CCPG1: variants seen among roughly 807,000 people sequenced by gnomAD.
CCPG1 encodes cell cycle progression protein 1.
CCPG1 carries 46 observed loss-of-function variants against 81.3 expected under a neutral mutation model. That is an observed-to-expected ratio of 0.57 (90% CI 0.45 to 0.72). The LOEUF (loss-of-function observed/expected upper bound fraction) is 0.72. Among genes scored for constraint, CCPG1 ranks in the 30% least tolerant of loss-of-function variants. The pLI, the probability that CCPG1 is intolerant of heterozygous loss-of-function variation, is 0.00. For synonymous variants in CCPG1, 330 were observed against 305.2 expected, an observed-to-expected ratio of 1.08 and a Z score of -0.85; for missense variants, 902 against 937.6, an observed-to-expected ratio of 0.96 and a Z score of 0.50.
chr15:55,361,985 A>T (rs1440721439), intron 7 of CCPG1, among the ~76,000 whole-genome samples: 1 of 152,222 alleles, frequency 6.6e-6, no homozygotes, highest in African/African-American at 2.4e-5. Flanking sequence ...GTACAGATTA[A>T]TATAACTCTG....
At chr15:55,394,876 C>T (rs1268481309) in intron 1 of CCPG1, among the ~76,000 whole-genome samples, 2 of 151,966 alleles carry the variant, frequency 1.3e-5, no homozygotes, top group African/African-American at 4.8e-5. Flanking sequence ...GATTGCTTAA[C>T]TGACCACCTG....
intron 1 of CCPG1, among the ~76,000 whole-genome samples, chr15:55,404,939 G>A (rs1278657790): frequency 1.3e-5 from 2 of 151,492 alleles, no homozygotes; most frequent in Admixed American, 6.6e-5. Flanking sequence ...GCATGGTGGT[G>A]TGTGCCTGTA....
intron 8 of CCPG1, chr15:55,358,291 A>AT: frequency 1.3e-6 from 1 of 774,952 alleles, no homozygotes; most frequent in Non-Finnish European, 1.6e-6. Flanking sequence ...TATATATAGA[A>AT]TTATGTTCTA....
intron 2 of CCPG1, among the ~76,000 whole-genome samples, chr15:55,387,639 G>A (rs978035412): frequency 6.6e-6 from 1 of 151,526 alleles, no homozygotes; most frequent in Admixed American, 6.6e-5. Flanking sequence ...CCGCCTCCCA[G>A]GTTCAAGCGA....
At chr15:55,391,132 A>T (rs908654781) in intron 1 of CCPG1, among the ~76,000 whole-genome samples, 5 of 152,066 alleles carry the variant, frequency 3.3e-5, no homozygotes, top group Admixed American at 6.6e-5. Flanking sequence ...TCTTTTCTTT[A>T]TTTTGAGTGT....
chr15:55,407,459 T>C (rs1566988545), intron 1 of CCPG1, among the ~76,000 whole-genome samples: 2 of 152,186 alleles, frequency 1.3e-5, no homozygotes, highest in Non-Finnish European at 2.9e-5. Context: ...AAATTCATAG[T>C]ACTATATAGT....
chr15:55,398,877 G>A (rs17238297), intron 1 of CCPG1, among the ~76,000 whole-genome samples: 35,491 of 152,080 alleles, frequency 0.23, 5,263 homozygotes, highest in Non-Finnish European at 0.34. Flanking sequence ...ACTGCGCCCA[G>A]CATGAAAACT....
At chr15:55,382,717 G>A (rs1395744712) in intron 3 of CCPG1, among the ~76,000 whole-genome samples, 1 of 152,078 alleles carries the variant, frequency 6.6e-6, no homozygotes, top group Admixed American at 6.6e-5. Context: ...CACCGTGTGA[G>A]CCAGGATGGT....
intron 2 of CCPG1, among the ~76,000 whole-genome samples, chr15:55,387,372 T>A (rs1290165707): frequency 6.6e-6 from 1 of 152,144 alleles, no homozygotes; most frequent in African/African-American, 2.4e-5. Context: ...AAGCTAAAAA[T>A]AGAAAAGTCA....
chr15:55,388,203 C>A (rs2056842613), intron 2 of CCPG1, among the ~76,000 whole-genome samples: 1 of 151,912 alleles, frequency 6.6e-6, no homozygotes, highest in Non-Finnish European at 1.5e-5. Flanking sequence ...GCTTACAATA[C>A]CCTAAAAACA....
In CCPG1 at chr15:55,360,491, G is replaced by C. The variant is rs745580071; in HGVS notation, c.1282C>G (p.Arg428Gly). 7 of 1,613,962 alleles carry C rather than the reference G, an allele frequency of 4.3e-6. No individual in the cohort carries two copies. Among genetic ancestry groups the C allele is most frequent in the Non-Finnish European group, 5.9e-6 (7 of 1,180,006 alleles). Residue 428 changes from arginine to glycine, a missense_variant, in exon 8 of 9, where the codon CGG (arginine) becomes GGG (glycine). Transcript: ENST00000442196. ...CGTTCCAGCTCAGTGAGTCTTTCCC[G>C]TAAGATTGCTATTTCCTTTTTTTCA... is the stretch of plus-strand genomic sequence containing the variant. ...YTEKKEIAIL[R>G]ERLTELERKL...
chr15:55,372,880 T>C (rs2056482631), intron 5 of CCPG1: 14 of 506,916 alleles, frequency 2.8e-5, no homozygotes, highest in Non-Finnish European at 4.0e-6. Context: ...ATTTCCAACC[T>C]AATTAGCCCA....
intron 5 of CCPG1, among the ~76,000 whole-genome samples, chr15:55,375,660 C>G (rs1040610630): frequency 6.6e-6 from 1 of 151,324 alleles, no homozygotes; most frequent in African/African-American, 2.4e-5. Context: ...AATAACTTCT[C>G]ATTAAATGAG....
Position 55,356,323 on chromosome 15 carries a change from T to A in CCPG1, c.2321A>T (p.Tyr774Phe). Reference sequence around the variant, plus strand: ...TTTATGCCATTTACCTTCCCTTTTATAAGGCTGTGGCTGAAGGTGCTTCTG... The same window carrying A: ...TTTATGCCATTTACCTTCCCTTTTAAAAGGCTGTGGCTGAAGGTGCTTCTG... ...QEQKHLQPQP[Y>F]KREGKWHKYG... The change falls in exon 9 of 9, where the codon TAT becomes TTT. Residue 774 changes from tyrosine (Y) to phenylalanine (F), a missense_variant. Coordinates refer to ENST00000442196, the MANE Select transcript of CCPG1 (RefSeq NM_001204450.2). The A allele has an allele frequency of 6.5e-7, 1 of 1,535,792 alleles. No homozygotes were observed. Among genetic ancestry groups the A allele is most frequent in the Non-Finnish European group, 8.7e-7 (1 of 1,146,790 alleles).
At chr15:55,356,548 A>G (rs978659216) in intron 8 of CCPG1, 139 bp from the exon 9 acceptor site, 3 of 1,237,768 alleles carry the variant, frequency 2.4e-6, no homozygotes, top group East Asian at 2.9e-5. Context: ...CAATCCTAGT[A>G]TATCCATATA....
Position 55,355,679 on chromosome 15 carries a change from T to C in CCPG1, c.*541A>G, listed in dbSNP as rs1169187322. The C allele has an allele frequency of 1.9e-5, 6 of 308,030 alleles. No individual in the cohort carries two copies. The highest frequency in any genetic ancestry group is 3.5e-5 in the Non-Finnish European group (6 of 170,626). The allele number at this position is 308,030 out of a possible 1,614,324, so 19.1% of individuals were successfully genotyped here. A position where few individuals can be genotyped will look rare whatever the true frequency, so the allele number is the denominator to read the frequency against. ...TAGTTTTATTGTTTCTTCCACGATA[T>C]TCAGATGTGCAAAAAATTTCACAAG... On this transcript the variant is annotated 3_prime_UTR_variant, in exon 9 of 9. Coordinates refer to ENST00000442196, the MANE Select transcript of CCPG1 (RefSeq NM_001204450.2).
chr15:55,403,388 T>G (rs1047326777), intron 1 of CCPG1, among the ~76,000 whole-genome samples: 3 of 150,116 alleles, frequency 2.0e-5, no homozygotes, highest in Non-Finnish European at 4.4e-5. Context: ...AAAAGAATAG[T>G]GATTTGGATA....
chr15:55,389,908 T>A lies in CCPG1; in HGVS notation c.-9-475A>T, dbSNP rs375767577. ...GTTGGCAACATGAAGTAATTTACATTTTCAAACATAGAAGAAACATGATGA... is the reference window on the plus strand; with the variant it reads ...GTTGGCAACATGAAGTAATTTACATATTCAAACATAGAAGAAACATGATGA... On this transcript the variant is annotated intron_variant, in intron 1 of 8. Coordinates refer to ENST00000442196, the MANE Select transcript of CCPG1 (RefSeq NM_001204450.2). 3.3e-4 allele frequency among the ~76,000 whole-genome samples: 50 copies of A among 152,350 alleles called. No homozygotes were observed. In the East Asian group the frequency reaches 3.9e-3, roughly 12 times the overall value.
chr15:55,360,188 C>G lies in CCPG1; in HGVS notation c.1585G>C (p.Val529Leu). 2 of 1,613,416 alleles carry G rather than the reference C, an allele frequency of 1.2e-6. No homozygotes were observed. Among genetic ancestry groups the G allele is most frequent in the Non-Finnish European group, 8.5e-7 (1 of 1,179,852 alleles). The change falls in exon 8 of 9, where the codon GTT (valine) becomes CTT (leucine). Residue 529 changes from valine to leucine, a missense_variant. Val to Leu is a conservative substitution (Grantham distance 32, BLOSUM62 1). Around this residue, in one of 3 missense-constraint regions of CCPG1, gnomAD observed 746 missense variants for 728.6 expected, o/e 1.02. Transcript: ENST00000442196. ...KENLKKFSDS[V>L]KSTFRHFKDT... Reference sequence around the variant, plus strand: ...TTAAAGTGTCTGAAAGTGGATTTAACTGAATCTGAGAATTTTTTCAGATTT... The same window carrying G: ...TTAAAGTGTCTGAAAGTGGATTTAAGTGAATCTGAGAATTTTTTCAGATTT...
Sources: allele counts gnomAD v4.1 joint callset (sites outside exome capture counted in the v4.1 genomes callset), GRCh38; gene constraint gnomAD v4.1.1; regional missense constraint gnomAD v4.1.1; transcripts MANE v1.5; gene names NCBI Gene and HGNC (gene_info 2026-07-23, HGNC 2026-07-21).